ZNF35: variants seen among roughly 807,000 people sequenced by gnomAD.
ZNF35 encodes the protein zinc finger protein 35 (clone HF.10).
ZNF35 carries 31 observed loss-of-function variants against 45.9 expected under a neutral mutation model. The ratio of observed to expected loss-of-function variants is 0.68; its 90% CI spans 0.51 to 0.91. The LOEUF is 0.91. Ranked by LOEUF, ZNF35 falls within the 40% of genes least tolerant of loss-of-function variation. The probability of loss-of-function intolerance (pLI) is 0.00; values close to 1 mark genes in which losing one functional copy is unlikely to be tolerated. For synonymous variants in ZNF35, 205 were observed against 220.2 expected, an observed-to-expected ratio of 0.93 and a Z score of 0.61; for missense variants, 515 against 625.4, an observed-to-expected ratio of 0.82 and a Z score of 1.88.
Position 44,659,530 on chromosome 3 carries a change from A to G in ZNF35, c.1167A>G (p.Pro389=), listed in dbSNP as rs774936541. The G allele has an allele frequency of 6.2e-6, 10 of 1,613,898 alleles. No individual in the cohort carries two copies. The highest frequency in any genetic ancestry group is 2.2e-5 in the East Asian group (1 of 44,838). ...VHQRSHTGEK[P]YECKECGKAF... ...AGCGAAGCCATACTGGTGAGAAGCC[A>G]TATGAGTGTAAAGAGTGTGGGAAAG... The change falls in exon 4 of 4, where the codon CCA becomes CCG. Residue 389 remains proline (P), a synonymous_variant. Coordinates refer to ENST00000396056, the MANE Select transcript of ZNF35 (RefSeq NM_003420.4). This position sits in a 1 kb window ranked among gnomAD's most constrained non-coding sequence, Gnocchi z 4.3.
Position 44,659,063 on chromosome 3 carries a change from A to G in ZNF35, c.700A>G (p.Ser234Gly). The change falls in exon 4 of 4, where the codon AGT (serine) becomes GGT (glycine). Residue 234 changes from serine (S) to glycine (G), a missense_variant. Transcript: ENST00000396056. The surrounding 1 kb of genome is among the most constrained non-coding windows in gnomAD (Gnocchi z 4.3). The part of the protein sequence containing the change: ...CSVCGKGFSQ[S>G]ANLVVHQRIH... The stretch of plus-strand genomic sequence containing the variant: ...CGTGTGTGGGAAAGGATTTAGTCAG[A>G]GTGCAAACCTCGTTGTGCATCAGCG... The G allele has an allele frequency of 1.2e-6, 2 of 1,614,222 alleles. No individual in the cohort carries two copies. The highest frequency in any genetic ancestry group is 8.5e-7 in the Non-Finnish European group (1 of 1,180,046).
At position 44,650,961 on chromosome 3, in the gene ZNF35, C is replaced by T; in HGVS notation, c.-107C>T. On this transcript the variant is annotated 5_prime_UTR_variant, in exon 2 of 4. Coordinates refer to ENST00000396056, the MANE Select transcript of ZNF35 (RefSeq NM_003420.4). The stretch of plus-strand genomic sequence containing the variant: ...CTCAGTAGGCAGTACTCATCTTGGC[C>T]CTGGGAAGAAACTCAAGAAGAAGCT... 1 of 1,120,758 alleles carries T rather than the reference C, an allele frequency of 8.9e-7. No homozygotes were observed. Among genetic ancestry groups the T allele is most frequent in the Non-Finnish European group, 1.3e-6 (1 of 797,428 alleles). The allele number at this position is 1,120,758 out of a possible 1,614,324, so 69.4% of individuals were successfully genotyped here.
intron 1 of ZNF35, among the ~76,000 whole-genome samples, chr3:44,649,723 AT>A (rs1406308796): frequency 9.9e-5 from 15 of 152,242 alleles, no homozygotes; most frequent in East Asian, 3.9e-4. Flanking sequence ...CAAAAAAAAA[AT>A]ATTTACAAAG....
chr3:44,651,332 C>T (rs1284622510), intron 2 of ZNF35, 73 bp downstream of exon 2: 4 of 1,424,686 alleles, frequency 2.8e-6, no homozygotes, highest in Non-Finnish European at 3.8e-6. Flanking sequence ...GGGACTCTGC[C>T]CCTCTGCTTC....
chr3:44,660,068 G>T lies in ZNF35; in HGVS notation c.*121G>T. 9.3e-7 allele frequency: 1 copy of T among 1,079,030 alleles called. No homozygotes were observed. The highest frequency in any genetic ancestry group is 1.3e-6 in the Non-Finnish European group (1 of 789,760). 66.8% of individuals were successfully genotyped at this position (1,079,030 alleles called of 1,614,324 possible). A position where few individuals can be genotyped will look rare whatever the true frequency, so the allele number is the denominator to read the frequency against. On this transcript the variant is annotated 3_prime_UTR_variant, in exon 4 of 4. Transcript: ENST00000396056. The stretch of plus-strand genomic sequence containing the variant: ...GAGGGCTGTGTCCTTAAAAGTTATA[G>T]TTTTCAGGAATGCAGCAGAAGACAC...
intron 1 of ZNF35, among the ~76,000 whole-genome samples, chr3:44,650,068 T>TTG (rs10575761): frequency 0.012 from 1,822 of 150,028 alleles, 20 homozygotes; most frequent in African/African-American, 0.032. Flanking sequence ...GATAAGTACT[T>TTG]TGTGTGTGTG....
rs2125844853 is a variant in ZNF35, at chr3:44,658,648, C to CTT, written c.338-49_338-48dup. 4 of 1,517,608 alleles carry CTT rather than the reference C, an allele frequency of 2.6e-6. No homozygotes were observed. In the South Asian group the frequency reaches 5.5e-5, roughly 21 times the overall value. The allele number at this position is 1,517,608 out of a possible 1,614,324, so 94.0% of individuals were successfully genotyped here. Reference sequence around the variant, plus strand: ...CGTTTTATGACTTGATGATCCTATTCTTTTTCTAGGCCAGAGAAAGCTAAC... The same window carrying CTT: ...CGTTTTATGACTTGATGATCCTATTCTTTTTTTCTAGGCCAGAGAAAGCTAAC... On this transcript the variant is annotated intron_variant, in intron 3 of 3. Coordinates refer to ENST00000396056, the MANE Select transcript of ZNF35 (RefSeq NM_003420.4).
intron 1 of ZNF35, among the ~76,000 whole-genome samples, chr3:44,650,023 T>C (rs1703158739): frequency 6.6e-6 from 1 of 152,070 alleles, no homozygotes; most frequent in African/African-American, 2.4e-5. Context: ...AGTATGTAAA[T>C]GCAGAGAAAA....
rs538657970 is a variant in ZNF35 at position 44,651,793 on chromosome 3, A to G, written c.192+534A>G. Among the ~76,000 whole-genome samples the G allele has an allele frequency of 4.6e-5, 7 of 151,356 alleles. No individual in the cohort carries two copies. The South Asian group carries it at 1.5e-3, about 32-fold the overall frequency. On this transcript the variant is annotated intron_variant, in intron 2 of 3. Coordinates refer to ENST00000396056, the MANE Select transcript of ZNF35 (RefSeq NM_003420.4). ...GGTTGCAGTGAGCCGAATTCATGCC[A>G]CTGCACTCTAGCCTGGGCAATAGAG...
chr3:44,648,565 C>G (rs931242393), upstream of ZNF35: 3 of 152,206 alleles, frequency 2.0e-5, no homozygotes, highest in Non-Finnish European at 4.4e-5. Flanking sequence ...TGCGCCCCTC[C>G]CTGAGGCTCA....
chr3:44,659,904 A>G lies in ZNF35; in HGVS notation c.1541A>G (p.Asn514Ser). Residue 514 changes from asparagine to serine, a missense_variant, in exon 4 of 4, where the codon AAC (asparagine) becomes AGC (serine). By Grantham distance (46) the Asn-to-Ser change is conservative. Coordinates refer to ENST00000396056, the MANE Select transcript of ZNF35 (RefSeq NM_003420.4). This position sits in a 1 kb window ranked among gnomAD's most constrained non-coding sequence, Gnocchi z 4.3. The part of the protein sequence containing the change: ...CEKCGAAFIS[N>S]SHLMRHHRTH... ...AAGTGTGGTGCAGCTTTCATTTCCAACTCACACCTCATGCGACACCATAGA... is the reference window on the plus strand; with the variant it reads ...AAGTGTGGTGCAGCTTTCATTTCCAGCTCACACCTCATGCGACACCATAGA... The G allele has an allele frequency of 1.3e-6, 2 of 1,592,284 alleles. No individual in the cohort carries two copies. Among genetic ancestry groups the G allele is most frequent in the Non-Finnish European group, 1.7e-6 (2 of 1,168,990 alleles).
Position 44,658,812 on chromosome 3 carries a change from C to T in ZNF35, c.449C>T (p.Pro150Leu). 1.9e-6 allele frequency: 3 copies of T among 1,613,172 alleles called. No homozygotes were observed. The highest frequency in any genetic ancestry group is 2.5e-6 in the Non-Finnish European group (3 of 1,179,850). The change falls in exon 4 of 4, where the codon CCT becomes CTT. Residue 150 changes from proline (P) to leucine (L), a missense_variant. Coordinates refer to ENST00000396056, the MANE Select transcript of ZNF35 (RefSeq NM_003420.4). Reference sequence around the variant, plus strand: ...ATCCAGAAAGCTGATCCTCAAGGACCTGAGTTAGGAGAAGCTTGTGAAAAG... The same window carrying T: ...ATCCAGAAAGCTGATCCTCAAGGACTTGAGTTAGGAGAAGCTTGTGAAAAG... ...ERIQKADPQG[P>L]ELGEACEKGN... is the part of the protein sequence containing the mutation.
Position 44,659,277 on chromosome 3 carries a change from C to G in ZNF35, c.914C>G (p.Thr305Ser), listed in dbSNP as rs749914743. The G allele has an allele frequency of 6.2e-7, 1 of 1,613,764 alleles. No individual in the cohort carries two copies. The highest frequency in any genetic ancestry group is 8.5e-7 in the Non-Finnish European group (1 of 1,179,948). ...CAAAAAATCCACTCCTTAGAAAAAA[C>G]TTTTAAGTGCAATGAATGTGAGAAA... is the stretch of plus-strand genomic sequence containing the variant. ...VHQKIHSLEKTFKCNECEKAF... is the reference protein window; with the variant it reads ...VHQKIHSLEKSFKCNECEKAF... The change falls in exon 4 of 4, where the codon ACT becomes AGT. Residue 305 changes from threonine (T) to serine (S), a missense_variant. This residue lies in a region of ZNF35 where 232 missense variants were observed against 304.6 expected (regional missense o/e 0.76). Transcript: ENST00000396056. The surrounding 1 kb of genome is among the most constrained non-coding windows in gnomAD (Gnocchi z 4.3).
intron 3 of ZNF35, 138 bp from the exon 4 acceptor site, chr3:44,658,561 CAT>C (rs1216596415): frequency 1.4e-5 from 12 of 867,552 alleles, no homozygotes; most frequent in African/African-American, 5.1e-5. Context: ...GGAGAGGTAA[CAT>C]GTGATGGGAT....
At chr3:44,655,471 G>A (rs1703283731) in intron 3 of ZNF35, among the ~76,000 whole-genome samples, 1 of 150,880 alleles carries the variant, frequency 6.6e-6, no homozygotes, top group South Asian at 2.1e-4. Flanking sequence ...GGCTATGCCT[G>A]TGTTCTAGTT....
At position 44,659,128 on chromosome 3, in the gene ZNF35, T is replaced by C; in HGVS notation, c.765T>C (p.Cys255=). The change falls in exon 4 of 4, where the codon TGT becomes TGC. Residue 255 remains cysteine (C), a synonymous_variant. Transcript: ENST00000396056. This position sits in a 1 kb window ranked among gnomAD's most constrained non-coding sequence, Gnocchi z 4.3. ...AGAAACCCTTTGAATGTCATGAGTGTGGGAAGGCCTTCATTCAGAGTGCAA... is the reference window on the plus strand; with the variant it reads ...AGAAACCCTTTGAATGTCATGAGTGCGGGAAGGCCTTCATTCAGAGTGCAA... ...TGEKPFECHE[C]GKAFIQSANL... 6.2e-7 allele frequency: 1 copy of C among 1,614,214 alleles called. No homozygotes were observed. Among genetic ancestry groups the C allele is most frequent in the South Asian group, 1.1e-5 (1 of 91,088 alleles).
chr3:44,652,198 A>G (rs1703217277), intron 2 of ZNF35, among the ~76,000 whole-genome samples: 1 of 152,152 alleles, frequency 6.6e-6, no homozygotes, highest in Admixed American at 6.5e-5. Flanking sequence ...GTTCCCCCAG[A>G]GCCTTTCTGT....
chr3:44,657,107 T>A (rs1703323443), intron 3 of ZNF35, among the ~76,000 whole-genome samples: 1 of 152,162 alleles, frequency 6.6e-6, no homozygotes, highest in African/African-American at 2.4e-5. Context: ...GTGATAGAAT[T>A]TCAGATTACC....
chr3:44,653,740 G>A (rs1157829442), intron 3 of ZNF35, among the ~76,000 whole-genome samples: 2 of 152,190 alleles, frequency 1.3e-5, no homozygotes, highest in Non-Finnish European at 1.5e-5. Flanking sequence ...ATGTTCTAAA[G>A]ATCTCACTGG....
Sources: gnomAD v4.1 joint callset for allele counts (sites outside exome capture counted in the v4.1 genomes callset) on GRCh38, gnomAD v4.1.1 for gene constraint, gnomAD v4.1.1 regional missense constraint, Gnocchi (gnomAD v3.1) non-coding constraint, MANE v1.5 for transcripts, NCBI Gene and HGNC (gene_info 2026-07-23, HGNC 2026-07-21) for gene names.